The following COL24A1 variants were observed in gnomAD, a reference collection of about 807,000 sequenced individuals.
COL24A1 encodes collagen alpha-1(XXIV) chain.
In COL24A1, 224 loss-of-function variants were observed where a neutral mutation model predicts 253.9. The observed-to-expected ratio is 0.88, with a 90% CI of 0.79 to 0.99. The LOEUF (loss-of-function observed/expected upper bound fraction) is 0.99, where lower values mean the gene tolerates loss of function less well. COL24A1 is among the 50% of genes least tolerant of loss of function. The pLI, the probability that COL24A1 is intolerant of heterozygous loss-of-function variation, is 0.00. For synonymous variants in COL24A1, 685 were observed against 673.7 expected, an observed-to-expected ratio of 1.02 and a Z score of -0.26; for missense variants, 2,131 against 2,068.5, an observed-to-expected ratio of 1.03 and a Z score of -0.59.
chr1:86,105,169 T>C (rs1311599921), intron 5 of COL24A1, among the ~76,000 whole-genome samples: 1 of 152,124 alleles, frequency 6.6e-6, no homozygotes, highest in African/African-American at 2.4e-5. Context: ...GCTGTGTACC[T>C]ACCAGGGCTC....
intron 47 of COL24A1, among the ~76,000 whole-genome samples, chr1:85,791,900 A>G (rs1313144774): frequency 6.6e-6 from 1 of 152,166 alleles, no homozygotes; most frequent in African/African-American, 2.4e-5. Context: ...ACCCTCCCCA[A>G]TAAAACAGAA....
rs980892484 is a variant in COL24A1 at position 85,936,498 on chromosome 1, C to T, written c.2562+24751G>A. 1.4e-5 allele frequency among the ~76,000 whole-genome samples: 2 copies of T among 147,078 alleles called. 1 individual carries two copies. The highest frequency in any genetic ancestry group is 5.0e-5 in the African/African-American group (2 of 40,156). Reference sequence around the variant, plus strand: ...AGGAGAAGGGGGCATATATGTGGATCTGATTGCACAGGTATTTGATCAAGA... The same window carrying T: ...AGGAGAAGGGGGCATATATGTGGATTTGATTGCACAGGTATTTGATCAAGA... On this transcript the variant is annotated intron_variant, in intron 24 of 59. Transcript: ENST00000370571.
intron 2 of COL24A1, among the ~76,000 whole-genome samples, chr1:86,132,096 T>C (rs1453546715): frequency 6.6e-6 from 1 of 152,234 alleles, no homozygotes. Context: ...GATTTTGATT[T>C]GCATTTCTCT....
intron 20 of COL24A1, among the ~76,000 whole-genome samples, chr1:85,978,158 C>T (rs931092986): frequency 6.6e-5 from 10 of 152,032 alleles, no homozygotes; most frequent in South Asian, 2.1e-4. Context: ...GAGGTAAAGT[C>T]GTTTTCAGAC....
intron 43 of COL24A1, 109 bp from the exon 44 acceptor site, chr1:85,823,847 AT>A (rs1206135876): frequency 4.2e-6 from 4 of 946,688 alleles, no homozygotes; most frequent in Non-Finnish European, 6.6e-6. Context: ...CTCAACTTAA[AT>A]GTCGTAGAGA....
At chr1:85,963,966 G>C (rs1342781612) in intron 23 of COL24A1, among the ~76,000 whole-genome samples, 1 of 151,880 alleles carries the variant, frequency 6.6e-6, no homozygotes, top group East Asian at 1.9e-4. Context: ...TGTAACTTGA[G>C]AAAGAGTCAG....
chr1:85,800,745 C>T (rs1235605845), intron 47 of COL24A1, among the ~76,000 whole-genome samples: 1 of 152,090 alleles, frequency 6.6e-6, no homozygotes, highest in African/African-American at 2.4e-5. Flanking sequence ...CTCCACTGTC[C>T]CCGCCTCTGT....
chr1:85,951,343 A>G (rs1689900419), intron 24 of COL24A1, among the ~76,000 whole-genome samples: 1 of 152,178 alleles, frequency 6.6e-6, no homozygotes, highest in South Asian at 2.1e-4. Context: ...AACGGAATCT[A>G]ACTGGGCGTG....
intron 7 of COL24A1, among the ~76,000 whole-genome samples, chr1:86,085,326 A>G (rs1281549114): frequency 6.6e-6 from 1 of 152,306 alleles, no homozygotes; most frequent in East Asian, 1.9e-4. Flanking sequence ...TCAAAATAAA[A>G]TAAAAATTCA....
At chr1:85,904,458 T>C (rs995569281) in intron 28 of COL24A1, among the ~76,000 whole-genome samples, 1 of 152,184 alleles carries the variant, frequency 6.6e-6, no homozygotes, top group Non-Finnish European at 1.5e-5. Flanking sequence ...AACCACTATC[T>C]TTCTGGTACT....
intron 55 of COL24A1, among the ~76,000 whole-genome samples, chr1:85,759,317 A>G (rs1462448735): frequency 1.3e-5 from 2 of 152,214 alleles, no homozygotes; most frequent in East Asian, 3.8e-4. Flanking sequence ...AGGGTTCACA[A>G]TATAATAGAA....
At chr1:86,101,841 G>A (rs187811492) in intron 5 of COL24A1, among the ~76,000 whole-genome samples, 132 of 152,136 alleles carry the variant, frequency 8.7e-4, no homozygotes, top group African/African-American at 3.0e-3. Flanking sequence ...TTGGCATACA[G>A]TTTTCTTTTC....
chr1:85,769,524 C>T (rs559767618), intron 53 of COL24A1, among the ~76,000 whole-genome samples: 2 of 152,108 alleles, frequency 1.3e-5, no homozygotes, highest in East Asian at 3.9e-4. Context: ...AGCATGCCTG[C>T]CCCGAGAAAT....
chr1:85,970,689 T>C (rs1336379355), intron 21 of COL24A1, among the ~76,000 whole-genome samples: 2 of 152,230 alleles, frequency 1.3e-5, no homozygotes, highest in East Asian at 1.9e-4. Flanking sequence ...GTATATGTTA[T>C]TTATTTGGTA....
chr1:86,006,433 G>T (rs558270856), intron 19 of COL24A1, among the ~76,000 whole-genome samples: 1 of 152,134 alleles, frequency 6.6e-6, no homozygotes, highest in East Asian at 1.9e-4. Flanking sequence ...TCAACAAACG[G>T]TGCTGAAATA....
At chr1:85,808,085 C>T (rs556151466) in intron 47 of COL24A1, among the ~76,000 whole-genome samples, 1 of 152,276 alleles carries the variant, frequency 6.6e-6, no homozygotes, top group African/African-American at 2.4e-5. Context: ...GATGGGAAGA[C>T]ACAAATGAAT....
At chr1:85,818,172 G>T in intron 45 of COL24A1, 85 bp from the exon 46 acceptor site, 1 of 1,037,284 alleles carries the variant, frequency 9.6e-7, no homozygotes, top group Non-Finnish European at 1.5e-6. Context: ...AGACCTGGAC[G>T]CTGCAGCAAG....
intron 2 of COL24A1, among the ~76,000 whole-genome samples, chr1:86,133,390 T>C (rs1014233088): frequency 5.3e-5 from 8 of 152,146 alleles, no homozygotes; most frequent in Non-Finnish European, 1.2e-4. Flanking sequence ...AACACTATGT[T>C]GAGTAGGAGT....
At chr1:85,984,500 C>T (rs1693541005) in intron 20 of COL24A1, among the ~76,000 whole-genome samples, 3 of 151,662 alleles carry the variant, frequency 2.0e-5, no homozygotes, top group Non-Finnish European at 4.4e-5. Context: ...ATTACTTGGT[C>T]TAACACAGAA....
Sources: gnomAD v4.1 joint callset for allele counts (sites outside exome capture counted in the v4.1 genomes callset) on GRCh38, gnomAD v4.1.1 for gene constraint, MANE v1.5 for transcripts, NCBI Gene and HGNC (gene_info 2026-07-23, HGNC 2026-07-21) for gene names.